The following LARGE1 variants were observed in gnomAD, a reference collection of about 807,000 sequenced individuals.
LARGE1 encodes LARGE xylosyl- and glucuronyltransferase 1.
LARGE1 carries 43 observed loss-of-function variants against 87.6 expected under a neutral mutation model. That is an observed-to-expected ratio of 0.49 (90% confidence interval 0.38 to 0.63). The LOEUF (loss-of-function observed/expected upper bound fraction) is 0.63, where lower values mean the gene tolerates loss of function less well. Ranked by LOEUF, LARGE1 falls within the 30% of genes least tolerant of loss-of-function variation. The pLI is 0.00. For missense variants in LARGE1, 802 were observed against 1,000.2 expected, an observed-to-expected ratio of 0.80 and a Z score of 2.67; for synonymous variants, 434 against 394.6, an observed-to-expected ratio of 1.10 and a Z score of -1.18.
At chr22:33,425,118 C>T (rs945174652) in intron 7 of LARGE1, among the ~76,000 whole-genome samples, 3 of 151,906 alleles carry the variant, frequency 2.0e-5, no homozygotes, top group South Asian at 2.1e-4. Flanking sequence ...AAAAATTAGC[C>T]AGGTGTGGTG....
At chr22:33,438,008 A>G (rs2147790537) in intron 6 of LARGE1, among the ~76,000 whole-genome samples, 1 of 152,024 alleles carries the variant, frequency 6.6e-6, no homozygotes, top group Non-Finnish European at 1.5e-5. Flanking sequence ...GGCCTCCCCA[A>G]AAGCTTTTCC....
rs144013990 is a variant in LARGE1, at chr22:33,184,088, C to CTATATATATATATATATACATATA, written c.1731-17257_1731-17256insTATATGTATATATATATATATATA. Among the ~76,000 whole-genome samples the CTATATATATATATATATACATATA allele has an allele frequency of 7.6e-5, 8 of 105,306 alleles. 1 individual carries two copies. In the South Asian group the frequency reaches 2.3e-3, roughly 30 times the overall value. 69.1% of individuals were successfully genotyped at this position (105,306 alleles called of 152,430 possible). ...TAATTTGACTGTGGTAATCAGTACA[C>CTATATATATATATATATACATATA]TATATATATATATATCATATCTTTA... On this transcript the variant is annotated intron_variant, in intron 11 of 11. Coordinates refer to the LARGE1 transcript ENST00000608642.
At chr22:33,827,885 A>G (rs2062846281) in intron 1 of LARGE1, among the ~76,000 whole-genome samples, 1 of 152,236 alleles carries the variant, frequency 6.6e-6, no homozygotes, top group South Asian at 2.1e-4. Flanking sequence ...GGGATTGGAT[A>G]ATTTGGATTT....
intron 2 of LARGE1, among the ~76,000 whole-genome samples, chr22:33,714,765 G>T (rs2082861612): frequency 6.6e-6 from 1 of 152,088 alleles, no homozygotes; most frequent in Non-Finnish European, 1.5e-5. Context: ...GCAGGTCTCT[G>T]ACCCATTCAA....
At chr22:33,353,535 C>G (rs1940603511) in intron 9 of LARGE1, among the ~76,000 whole-genome samples, 1 of 151,978 alleles carries the variant, frequency 6.6e-6, no homozygotes, top group East Asian at 1.9e-4. Flanking sequence ...ATGGAAGCAA[C>G]TAGTATTAGA....
At position 33,274,599 on chromosome 22, in the gene LARGE1, T is replaced by A; in HGVS notation, c.2099A>T (p.Asn700Ile). The A allele has an allele frequency of 6.2e-7, 1 of 1,613,958 alleles. No individual in the cohort carries two copies. The highest frequency in any genetic ancestry group is 8.5e-7 in the Non-Finnish European group (1 of 1,179,974). ...ATGAGGCATGTGGATCATGTAGGCG[T>A]TGGGCAGCACAATGAACTCATACTC... The part of the protein sequence containing the change: ...VQEYEFIVLP[N>I]AYMIHMPHAP... Residue 700 changes from asparagine to isoleucine, a missense_variant, in exon 15 of 15, where the codon AAC becomes ATC. Coordinates refer to ENST00000397394, the MANE Select transcript of LARGE1 (RefSeq NM_133642.5).
intron 6 of LARGE1, among the ~76,000 whole-genome samples, chr22:33,512,765 T>C (rs1237832272): frequency 2.6e-5 from 4 of 152,156 alleles, no homozygotes; most frequent in Non-Finnish European, 4.4e-5. Context: ...ATTACACCAC[T>C]ACACTCCAGC....
intron 6 of LARGE1, among the ~76,000 whole-genome samples, chr22:33,556,140 G>A (rs115819815): frequency 1.3e-5 from 2 of 151,852 alleles, no homozygotes; most frequent in East Asian, 2.0e-4. Flanking sequence ...AATGTGATTC[G>A]ACCTCACCCT....
intron 2 of LARGE1, among the ~76,000 whole-genome samples, chr22:33,705,409 C>G (rs952218299): frequency 6.6e-6 from 1 of 152,180 alleles, no homozygotes; most frequent in Non-Finnish European, 1.5e-5. Context: ...TTGTGATGAC[C>G]TGGCTCTCTC....
chr22:33,366,221 T>A (rs1019460491), intron 9 of LARGE1, among the ~76,000 whole-genome samples: 2 of 152,238 alleles, frequency 1.3e-5, no homozygotes, highest in African/African-American at 4.8e-5. Context: ...CTTAATCATT[T>A]CTTCAATGAT....
intron 13 of LARGE1, among the ~76,000 whole-genome samples, chr22:33,280,936 T>C (rs73399527): frequency 0.041 from 6,255 of 152,230 alleles, 427 homozygotes; most frequent in African/African-American, 0.14. Context: ...AGTTCCTAAG[T>C]GATGCTGAAG....
intron 9 of LARGE1, among the ~76,000 whole-genome samples, chr22:33,359,903 T>C (rs1601582567): frequency 6.7e-6 from 1 of 149,538 alleles, no homozygotes; most frequent in African/African-American, 2.5e-5. Flanking sequence ...CTAGACAATC[T>C]AGGAGTGGCC....
chr22:33,864,573 T>C (rs987862533), intron 1 of LARGE1, among the ~76,000 whole-genome samples: 1 of 152,140 alleles, frequency 6.6e-6, no homozygotes, highest in Non-Finnish European at 1.5e-5. Flanking sequence ...TCCTTGAGGG[T>C]AGGGATGGTG....
intron 7 of LARGE1, among the ~76,000 whole-genome samples, chr22:33,408,962 G>A (rs900554708): frequency 6.6e-6 from 1 of 152,184 alleles, no homozygotes; most frequent in South Asian, 2.1e-4. Flanking sequence ...CCTTGCTAGA[G>A]GTGAGTCTGT....
the LARGE1 span, among the ~76,000 whole-genome samples, chr22:33,090,850 A>C: frequency 1.3e-5 from 2 of 152,204 alleles, no homozygotes; most frequent in African/African-American, 4.8e-5. Flanking sequence ...TTCTTTCCAA[A>C]GCATTGGTAC....
intron 2 of LARGE1, among the ~76,000 whole-genome samples, chr22:33,654,063 T>C (rs2080893513): frequency 2.0e-5 from 3 of 152,188 alleles, no homozygotes. Flanking sequence ...CCTGTGTCCA[T>C]TTCTCCCCTG....
chr22:33,671,822 T>A (rs1264529170), intron 2 of LARGE1, among the ~76,000 whole-genome samples: 1 of 152,184 alleles, frequency 6.6e-6, no homozygotes, highest in African/African-American at 2.4e-5. Flanking sequence ...AAGGTCTGAT[T>A]GCAAAAATTC....
intron 6 of LARGE1, among the ~76,000 whole-genome samples, chr22:33,492,285 T>C (rs2069885172): frequency 1.3e-5 from 2 of 152,236 alleles, no homozygotes; most frequent in South Asian, 2.1e-4. Context: ...GGGTCCAAAG[T>C]CCATGGCAGG....
intron 5 of LARGE1, among the ~76,000 whole-genome samples, chr22:33,583,462 A>C (rs1569290033): frequency 6.6e-6 from 1 of 152,174 alleles, no homozygotes; most frequent in Admixed American, 6.5e-5. Flanking sequence ...AGGTCACTGG[A>C]CTTGAAAACC....
Sources: allele counts gnomAD v4.1 joint callset (sites outside exome capture counted in the v4.1 genomes callset), GRCh38; gene constraint gnomAD v4.1.1; transcripts MANE v1.5; gene names NCBI Gene and HGNC (gene_info 2026-07-23, HGNC 2026-07-21).